Variants in MMP15 observed in about 807,000 individuals in gnomAD.
MMP15 encodes the protein matrix metalloproteinase-15.
A neutral mutation model predicts 65.0 loss-of-function variants in MMP15; 36 were observed. The ratio of observed to expected loss-of-function variants is 0.55; its 90% CI spans 0.42 to 0.73. MMP15 has a LOEUF of 0.73. Ranked by LOEUF, MMP15 falls within the 30% of genes least tolerant of loss-of-function variation. MMP15 has a pLI of 0.00. For missense variants in MMP15, 870 were observed against 987.8 expected (o/e 0.88, Z 1.60); for synonymous variants, 428 against 410.2 (o/e 1.04, Z -0.52).
At position 58,026,173 on chromosome 16, in the gene MMP15, C is replaced by A; in HGVS notation, c.-178C>A. 1 of 612,798 alleles carries A rather than the reference C, an allele frequency of 1.6e-6. No individual in the cohort carries two copies. The highest frequency in any genetic ancestry group is 2.4e-6 in the Non-Finnish European group (1 of 425,020). The allele number at this position is 612,798 out of a possible 1,614,324, so 38.0% of individuals were successfully genotyped here. ...GTTCCGAGCTCCCGGACCTGCCCTG[C>A]CCGCTTCTCCTCGGGCTTGGGAATT... On this transcript the variant is annotated 5_prime_UTR_variant, in exon 1 of 10. Transcript: ENST00000219271.
chr16:58,041,012 G>GA, intron 5 of MMP15: 1 of 466,660 alleles, frequency 2.1e-6, no homozygotes, highest in Non-Finnish European at 4.0e-6. Context: ...GTGCCTGGGG[G>GA]ATCCCAGGAC....
intron 1 of MMP15, 49 bp from the exon 2 acceptor site, chr16:58,037,423 G>A (rs1356371110): frequency 1.3e-6 from 2 of 1,598,318 alleles, no homozygotes; most frequent in South Asian, 2.3e-5. Flanking sequence ...GTGCATGTTT[G>A]GAGGTAGCAG....
At chr16:58,042,475 C>T (rs1259552113) in intron 7 of MMP15, 106 bp downstream of exon 7, 5 of 1,457,206 alleles carry the variant, frequency 3.4e-6, no homozygotes, top group African/African-American at 2.8e-5. Context: ...CATGTCTGGT[C>T]CTGTGCCCCC....
chr16:58,037,674 G>T, intron 2 of MMP15, 54 bp downstream of exon 2: 1 of 1,610,150 alleles, frequency 6.2e-7, no homozygotes, highest in Admixed American at 1.7e-5. Flanking sequence ...CATCTGGCCT[G>T]CTCTCAAGAG....
rs114643486 is a variant in MMP15 at position 58,041,666 on chromosome 16, G to A, written c.960G>A (p.Thr320=). The change falls in exon 6 of 10, where the codon ACG becomes ACA. Residue 320 remains threonine, a synonymous_variant. Transcript: ENST00000219271. Reference sequence around the variant, plus strand: ...CTACCCAGCCTCTCCCCACTGTGACGCCACGGCGGCCAGGCCGGCCTGACC... The same window carrying A: ...CTACCCAGCCTCTCCCCACTGTGACACCACGGCGGCCAGGCCGGCCTGACC... The part of the protein sequence containing the change: ...PQPTQPLPTV[T]PRRPGRPDHR... 1.8e-3 allele frequency: 2,776 copies of A among 1,579,330 alleles called. 26 individuals carry two copies. The East Asian group carries it at 0.025, about 14-fold the overall frequency.
At chr16:58,039,840 C>G (rs1257772772) in intron 3 of MMP15, 35 bp from the exon 4 acceptor site, 1 of 1,562,376 alleles carries the variant, frequency 6.4e-7, no homozygotes, top group East Asian at 2.3e-5. Flanking sequence ...GCCCTTGGCC[C>G]TGCATCCGCT....
intron 9 of MMP15, 121 bp from the exon 10 acceptor site, chr16:58,044,886 T>TA (rs1959523010): frequency 7.1e-6 from 8 of 1,129,224 alleles, no homozygotes; most frequent in Non-Finnish European, 1.0e-5. Flanking sequence ...GATTTGAAAA[T>TA]ACTCAGGGAA....
At position 58,045,351 on chromosome 16, in the gene MMP15, G is replaced by A. The variant is rs775686544; in HGVS notation, c.1915G>A (p.Val639Ile). ...GGTGCCACTGCTGCTGCTGCTCTGC[G>A]TCCTGGGCCTCACCTACGCGCTGGT... Reference protein sequence around the residue: ...VLVPLLLLLCVLGLTYALVQM... With the variant: ...VLVPLLLLLCILGLTYALVQM... Residue 639 changes from valine (V) to isoleucine (I), a missense_variant, in exon 10 of 10, where the codon GTC becomes ATC. Transcript: ENST00000219271. 1.6e-5 allele frequency: 25 copies of A among 1,602,970 alleles called. No individual in the cohort carries two copies. Among genetic ancestry groups the A allele is most frequent in the Middle Eastern group, 2.0e-4 (1 of 4,962 alleles).
At chr16:58,032,523 C>T (rs1211274386) in intron 1 of MMP15, among the ~76,000 whole-genome samples, 1 of 152,214 alleles carries the variant, frequency 6.6e-6, no homozygotes, top group African/African-American at 2.4e-5. Context: ...GGTGGCTGGG[C>T]TTGGTGGTAT....
chr16:58,035,924 C>T (rs1312905020), intron 1 of MMP15, among the ~76,000 whole-genome samples: 1 of 152,206 alleles, frequency 6.6e-6, no homozygotes, highest in Non-Finnish European at 1.5e-5. Flanking sequence ...TGGCCGGGTG[C>T]CAGGGCTGGG....
At position 58,040,562 on chromosome 16, in the gene MMP15, G is replaced by A; in HGVS notation, c.774G>A (p.Val258=). ...GAAACAACCTCTTCCTGGTGGCAGTGCATGAGCTGGGCCACGCGCTGGGGC... is the reference window on the plus strand; with the variant it reads ...GAAACAACCTCTTCCTGGTGGCAGTACATGAGCTGGGCCACGCGCTGGGGC... ...LHGNNLFLVA[V]HELGHALGLE... Residue 258 remains valine (V), a synonymous_variant, in exon 5 of 10, where the codon GTG becomes GTA. Coordinates refer to ENST00000219271, the MANE Select transcript of MMP15 (RefSeq NM_002428.4). 1 of 1,613,726 alleles carries A rather than the reference G, an allele frequency of 6.2e-7. No homozygotes were observed. The highest frequency in any genetic ancestry group is 8.5e-7 in the Non-Finnish European group (1 of 1,180,038).
chr16:58,028,204 C>T (rs1307915155), intron 1 of MMP15, among the ~76,000 whole-genome samples: 1 of 152,166 alleles, frequency 6.6e-6, no homozygotes, highest in Non-Finnish European at 1.5e-5. Flanking sequence ...ACCCCTACCC[C>T]AACTCCCCAG....
At chr16:58,043,840 A>G (rs1157132478) in intron 9 of MMP15, among the ~76,000 whole-genome samples, 1 of 152,104 alleles carries the variant, frequency 6.6e-6, no homozygotes, top group Non-Finnish European at 1.5e-5. Flanking sequence ...AAACTAATAA[A>G]CCAGAGAGCT....
chr16:58,027,359 C>CT (rs1963837070), intron 1 of MMP15, among the ~76,000 whole-genome samples: 2 of 152,236 alleles, frequency 1.3e-5, no homozygotes, highest in Non-Finnish European at 1.5e-5. Context: ...TCCATGGTGT[C>CT]TCCCGAGCGA....
Position 58,045,013 on chromosome 16 carries a change from C to G in MMP15, c.1577C>G (p.Thr526Ser). Reference protein sequence around the residue: ...GAFLSNDAAYTYFYKGTKYWK... With the variant: ...GAFLSNDAAYSYFYKGTKYWK... ...GGCCTCCTTGCCCCTGCAGCCTACACCTACTTCTACAAGGGCACCAAATAC... is the reference window on the plus strand; with the variant it reads ...GGCCTCCTTGCCCCTGCAGCCTACAGCTACTTCTACAAGGGCACCAAATAC... The change falls in exon 10 of 10, where the codon ACC becomes AGC. Residue 526 changes from threonine to serine, a missense_variant. Coordinates refer to ENST00000219271, the MANE Select transcript of MMP15 (RefSeq NM_002428.4). The G allele has an allele frequency of 6.2e-7, 1 of 1,613,404 alleles. No individual in the cohort carries two copies. The highest frequency in any genetic ancestry group is 8.5e-7 in the Non-Finnish European group (1 of 1,179,986).
At chr16:58,032,929 C>T (rs1959259733) in intron 1 of MMP15, among the ~76,000 whole-genome samples, 1 of 152,224 alleles carries the variant, frequency 6.6e-6, no homozygotes, top group South Asian at 2.1e-4. Context: ...GGAAAGTGTC[C>T]TTATCGCCTG....
At chr16:58,041,927 C>A in intron 6 of MMP15, 57 bp downstream of exon 6, 1 of 1,510,432 alleles carries the variant, frequency 6.6e-7, no homozygotes, top group Non-Finnish European at 8.9e-7. Context: ...GCTCTGGGCC[C>A]CCTGTCCCAC....
rs544505738 is a variant in MMP15, at chr16:58,041,700, C to T, written c.994C>T (p.Pro332Ser). ...GCCAGGCCGGCCTGACCACCGGCCG[C>T]CCCGGCCTCCCCAGCCACCACCCCC... The part of the protein sequence containing the change: ...RRPGRPDHRP[P>S]RPPQPPPPGG... The change falls in exon 6 of 10, where the codon CCC (proline) becomes TCC (serine). Residue 332 changes from proline (P) to serine (S), a missense_variant. By Grantham distance (74) the Pro-to-Ser change is moderately conservative. Transcript: ENST00000219271. 23 of 1,580,154 alleles carry T rather than the reference C, an allele frequency of 1.5e-5. No individual in the cohort carries two copies. Among genetic ancestry groups the T allele is most frequent in the East Asian group, 4.7e-5 (2 of 42,706 alleles).
chr16:58,036,007 G>A lies in MMP15; in HGVS notation c.163-1465G>A, dbSNP rs3784910. Among the ~76,000 whole-genome samples the A allele has an allele frequency of 1.2e-3, 188 of 152,334 alleles. 3 individuals are homozygous for A. The East Asian group carries it at 0.02, about 17-fold the overall frequency. On this transcript the variant is annotated intron_variant, in intron 1 of 9. Transcript: ENST00000219271. The stretch of plus-strand genomic sequence containing the variant: ...ACTGGTGGCAGGCAGATATGTGAGT[G>A]TGATCTGGCCGGCCAATATGGCTGT...
Sources: gnomAD v4.1 joint callset for allele counts (sites outside exome capture counted in the v4.1 genomes callset) on GRCh38, gnomAD v4.1.1 for gene constraint, MANE v1.5 for transcripts, NCBI Gene and HGNC (gene_info 2026-07-23, HGNC 2026-07-21) for gene names.